FHIT: variants seen among roughly 807,000 people sequenced by gnomAD.
FHIT encodes fragile histidine triad diadenosine triphosphatase.
In FHIT, 19 loss-of-function variants were observed where a neutral mutation model predicts 17.9. That is an observed-to-expected ratio of 1.06 (90% CI 0.74 to 1.56). The LOEUF (loss-of-function observed/expected upper bound fraction) is 1.56, where lower values mean the gene tolerates loss of function less well. FHIT is among the 40% of genes most tolerant of loss of function. FHIT has a pLI of 0.00. For synonymous variants in FHIT, 81 were observed against 69.7 expected (o/e 1.16, Z -0.81); for missense variants, 248 against 189.2 (o/e 1.31, Z -1.82).
chr3:61,191,538 C>T (rs1302867398), intron 2 of FHIT, among the ~76,000 whole-genome samples: 1 of 152,086 alleles, frequency 6.6e-6, no homozygotes, highest in Non-Finnish European at 1.5e-5. Context: ...AATAAATAAC[C>T]TTTTGGTTCT....
At chr3:60,476,818 T>C (rs1276206495) in intron 5 of FHIT, among the ~76,000 whole-genome samples, 1 of 151,404 alleles carries the variant, frequency 6.6e-6, no homozygotes. Flanking sequence ...GTGAGCATCA[T>C]TTGGTCTCGT....
At chr3:60,537,011 T>C (rs750749533) in intron 4 of FHIT, 32 bp from the exon 5 acceptor site, 2 of 1,565,948 alleles carry the variant, frequency 1.3e-6, no homozygotes, top group Admixed American at 2.0e-5. Context: ...AGTTATAAAA[T>C]TCAATTAAGA....
At chr3:60,055,121 C>T (rs1261882276) in intron 5 of FHIT, among the ~76,000 whole-genome samples, 1 of 152,100 alleles carries the variant, frequency 6.6e-6, no homozygotes, top group Non-Finnish European at 1.5e-5. Flanking sequence ...CTTTTTGCTA[C>T]ACCTCATATA....
chr3:60,330,076 A>G (rs1430531686), intron 5 of FHIT, among the ~76,000 whole-genome samples: 1 of 152,152 alleles, frequency 6.6e-6, no homozygotes, highest in Non-Finnish European at 1.5e-5. Flanking sequence ...TCACCAATAC[A>G]TTTAGCAAAT....
chr3:60,981,453 C>T (rs768818758), intron 3 of FHIT, among the ~76,000 whole-genome samples: 17 of 152,018 alleles, frequency 1.1e-4, no homozygotes, highest in Admixed American at 3.9e-4. Flanking sequence ...TACAGGTGCA[C>T]GCCACCACTA....
At chr3:60,218,678 G>C (rs1703811784) in intron 5 of FHIT, among the ~76,000 whole-genome samples, 1 of 152,024 alleles carries the variant, frequency 6.6e-6, no homozygotes, top group South Asian at 2.1e-4. Flanking sequence ...ACTAATTACA[G>C]TCATGATGAC....
chr3:60,737,479 G>T (rs185320902), intron 4 of FHIT, among the ~76,000 whole-genome samples: 247 of 152,320 alleles, frequency 1.6e-3, no homozygotes, highest in African/African-American at 5.6e-3. Context: ...TAGCCTACAT[G>T]AAGATAGTCT....
intron 5 of FHIT, among the ~76,000 whole-genome samples, chr3:60,048,713 T>G (rs186387381): frequency 6.6e-6 from 1 of 152,202 alleles, no homozygotes; most frequent in African/African-American, 2.4e-5. Flanking sequence ...TCTGAGAATG[T>G]GATACTTGGA....
chr3:60,118,720 C>T (rs888544242), intron 5 of FHIT, among the ~76,000 whole-genome samples: 1 of 131,592 alleles, frequency 7.6e-6, no homozygotes, highest in Non-Finnish European at 1.5e-5. Flanking sequence ...ATATTAAGAA[C>T]TTCAGGGTCC....
At position 60,757,292 on chromosome 3, in the gene FHIT, C is replaced by T. The variant is rs571777468; in HGVS notation, c.-18+64627G>A. On this transcript the variant is annotated intron_variant, in intron 4 of 9. Coordinates refer to ENST00000492590, the MANE Select transcript of FHIT (RefSeq NM_002012.4). ...GAAACCACCTGGGCCAGACATTGTTCTGAATTCTGAAGATCAGAGAGTGAA... is the reference window on the plus strand; with the variant it reads ...GAAACCACCTGGGCCAGACATTGTTTTGAATTCTGAAGATCAGAGAGTGAA... 6.6e-5 allele frequency among the ~76,000 whole-genome samples: 10 copies of T among 152,288 alleles called. No individual in the cohort carries two copies. The East Asian group carries it at 1.7e-3, about 26-fold the overall frequency.
intron 2 of FHIT, among the ~76,000 whole-genome samples, chr3:61,154,786 A>AAAGT (rs2037489127): frequency 6.6e-6 from 1 of 152,228 alleles, no homozygotes; most frequent in South Asian, 2.1e-4. Context: ...GCTGGTTACA[A>AAAGT]AAGTTGCCAG....
intron 2 of FHIT, among the ~76,000 whole-genome samples, chr3:61,110,242 C>G (rs2036117882): frequency 6.6e-6 from 1 of 152,176 alleles, no homozygotes; most frequent in Non-Finnish European, 1.5e-5. Flanking sequence ...CCACAGGCCT[C>G]CATGCTTTCC....
At chr3:59,923,425 T>C (rs981142853) in intron 7 of FHIT, among the ~76,000 whole-genome samples, 2 of 152,236 alleles carry the variant, frequency 1.3e-5, no homozygotes, top group Non-Finnish European at 2.9e-5. Context: ...ATCTTTTAAA[T>C]AGCCCATTTC....
intron 4 of FHIT, among the ~76,000 whole-genome samples, chr3:60,597,537 C>T (rs1553667027): frequency 1.3e-5 from 2 of 152,000 alleles, no homozygotes. Context: ...AAATAATCAC[C>T]ATGCAAAGAA....
intron 5 of FHIT, among the ~76,000 whole-genome samples, chr3:60,455,675 T>C (rs143657964): frequency 2.4e-3 from 373 of 152,258 alleles, no homozygotes; most frequent in African/African-American, 8.7e-3. Context: ...CTCAAGGTTA[T>C]GCAACCTACA....
chr3:60,108,009 A>G (rs1159837086), intron 5 of FHIT, among the ~76,000 whole-genome samples: 1 of 152,230 alleles, frequency 6.6e-6, no homozygotes, highest in Non-Finnish European at 1.5e-5. Flanking sequence ...CAGAGTGGAC[A>G]AAACCTCTTT....
At chr3:61,131,107 T>G (rs932462635) in intron 2 of FHIT, among the ~76,000 whole-genome samples, 1 of 152,242 alleles carries the variant, frequency 6.6e-6, no homozygotes, top group African/African-American at 2.4e-5. Flanking sequence ...TTACCTCTAC[T>G]ATCCCTTAGA....
At position 59,829,682 on chromosome 3, in the gene FHIT, G is replaced by T. The variant is rs146990861; in HGVS notation, c.349-77361C>A. 1.9e-3 allele frequency among the ~76,000 whole-genome samples: 285 copies of T among 152,240 alleles called. 2 individuals carry two copies. Among genetic ancestry groups the T allele is most frequent in the African/African-American group, 6.5e-3 (270 of 41,538 alleles). On this transcript the variant is annotated intron_variant, in intron 8 of 9. Transcript: ENST00000492590. ...ATACTCTGACCAGTTCTGGCCAAGG[G>T]ACTCTGAATGAAAATGCTACCTTAA... is the stretch of plus-strand genomic sequence containing the variant.
chr3:61,197,064 C>T (rs61275795), intron 2 of FHIT, among the ~76,000 whole-genome samples: 66,152 of 151,840 alleles, frequency 0.44, 15,387 homozygotes, highest in East Asian at 0.87. Flanking sequence ...GTGGTTGTTG[C>T]TGTTGTCGTT....
Sources: gnomAD v4.1 joint callset for allele counts (sites outside exome capture counted in the v4.1 genomes callset) on GRCh38, gnomAD v4.1.1 for gene constraint, MANE v1.5 for transcripts, NCBI Gene and HGNC (gene_info 2026-07-23, HGNC 2026-07-21) for gene names.